The following EDA2R variants were observed in gnomAD, a reference collection of about 807,000 sequenced individuals.
EDA2R encodes the protein tumor necrosis factor receptor superfamily member 27.
In EDA2R, 26 loss-of-function variants were observed where a neutral mutation model predicts 20.1. That is an observed-to-expected ratio of 1.30 (90% CI 0.95 to 1.80). The LOEUF is 1.80. EDA2R is among the 40% of genes most tolerant of loss of function. The pLI is 0.00. For synonymous variants in EDA2R, 114 were observed against 88.7 expected (o/e 1.29, Z -1.60); for missense variants, 277 against 228.7 (o/e 1.21, Z -1.36).
At chrX:66,612,160 C>A (rs975795350) in intron 2 of EDA2R, among the ~76,000 whole-genome samples, 2 of 110,836 alleles carry the variant, frequency 1.8e-5, no homozygotes, top group Non-Finnish European at 3.8e-5. Flanking sequence ...GTAGGCCTAC[C>A]CTTAAATAAT....
chrX:66,615,980 C>A lies in EDA2R; in HGVS notation c.41G>T (p.Arg14Leu). ...QENEYWDQWG[R>L]CVTCQRCGPG... ...ACCACACCGTTGGCAGGTGACACACCGTCCCCATTGGTCCCAGTACTCATT... is the reference window on the plus strand; with the variant it reads ...ACCACACCGTTGGCAGGTGACACACAGTCCCCATTGGTCCCAGTACTCATT... The change falls in exon 2 of 7, where the codon CGG (arginine) becomes CTG (leucine). Residue 14 changes from arginine to leucine, a missense_variant. Arg to Leu is a moderately radical substitution (Grantham distance 102, BLOSUM62 -2). Transcript: ENST00000374719. 1 of 1,210,299 alleles carries A rather than the reference C, an allele frequency of 8.3e-7. No homozygotes were observed. The highest frequency in any genetic ancestry group is 1.1e-6 in the Non-Finnish European group (1 of 894,700).
At chrX:66,608,267 G>A (rs1274262379) in intron 2 of EDA2R, among the ~76,000 whole-genome samples, 1 of 110,715 alleles carries the variant, frequency 9.0e-6, no homozygotes, top group Non-Finnish European at 1.9e-5. Flanking sequence ...GATGGGGGAC[G>A]AGAATGAATA....
intron 1 of EDA2R, among the ~76,000 whole-genome samples, chrX:66,628,551 C>T (rs1349260339): frequency 9.0e-6 from 1 of 110,707 alleles, no homozygotes; most frequent in Non-Finnish European, 1.9e-5. Context: ...TTTCAGGCTA[C>T]TATGAACATC....
At chrX:66,626,992 C>T (rs1014396254) in intron 1 of EDA2R, among the ~76,000 whole-genome samples, 1 of 111,279 alleles carries the variant, frequency 9.0e-6, no homozygotes, top group Admixed American at 9.5e-5. Flanking sequence ...CAACTATCAG[C>T]CAGGAATTTT....
In EDA2R at chrX:66,597,875, G is replaced by T; in HGVS notation, c.*229C>A. The T allele has an allele frequency of 3.9e-6, 1 of 257,327 alleles. No individual in the cohort carries two copies. Among genetic ancestry groups the T allele is most frequent in the Non-Finnish European group, 6.2e-6 (1 of 162,046 alleles). 21.2% of individuals were successfully genotyped at this position (257,327 alleles called of 1,213,427 possible). On this transcript the variant is annotated 3_prime_UTR_variant, in exon 7 of 7. Coordinates refer to ENST00000374719, the MANE Select transcript of EDA2R (RefSeq NM_021783.5). ...CATGTCTGGTAGTCCCATGAATGTGGAATCTGGCTCCCCAGACTACAAAAG... is the reference window on the plus strand; with the variant it reads ...CATGTCTGGTAGTCCCATGAATGTGTAATCTGGCTCCCCAGACTACAAAAG...
At chrX:66,602,915 G>T in intron 4 of EDA2R, 118 bp from the exon 5 acceptor site, 1 of 661,232 alleles carries the variant, frequency 1.5e-6, no homozygotes, top group Non-Finnish European at 2.2e-6. Context: ...CCCAATTAGG[G>T]TGGCTATGCT....
At chrX:66,606,095 A>G (rs1198444538) in intron 2 of EDA2R, among the ~76,000 whole-genome samples, 1 of 111,715 alleles carries the variant, frequency 9.0e-6, no homozygotes, top group Non-Finnish European at 1.9e-5. Context: ...TGCTCTCTAG[A>G]GATTCTTAGA....
chrX:66,596,599 C>T lies in EDA2R; in HGVS notation c.*1505G>A, dbSNP rs184071358. 6.3e-5 allele frequency: 7 copies of T among 111,196 alleles called. No homozygotes were observed. Among genetic ancestry groups the T allele is most frequent in the Middle Eastern group, 4.6e-3 (1 of 217 alleles). The allele number at this position is 111,196 out of a possible 1,213,427, so 9.2% of individuals were successfully genotyped here. ...CAGCAGTGTCAAATGTGGGCTTGAACCACTGCCAGCCACATGGCAACCTTT... is the reference window on the plus strand; with the variant it reads ...CAGCAGTGTCAAATGTGGGCTTGAATCACTGCCAGCCACATGGCAACCTTT... On this transcript the variant is annotated 3_prime_UTR_variant, in exon 7 of 7. Coordinates refer to ENST00000374719, the MANE Select transcript of EDA2R (RefSeq NM_021783.5).
intron 1 of EDA2R, among the ~76,000 whole-genome samples, chrX:66,625,981 G>C (rs1933032949): frequency 9.0e-6 from 1 of 111,519 alleles, no homozygotes; most frequent in South Asian, 3.8e-4. Context: ...ACTACATCAA[G>C]GGAACACCCC....
intron 1 of EDA2R, among the ~76,000 whole-genome samples, chrX:66,632,431 AAGAAGC>A (rs1360207954): frequency 3.9e-5 from 4 of 102,469 alleles, no homozygotes; most frequent in Non-Finnish European, 7.8e-5. Flanking sequence ...GAAGAAGAAG[AAGAAGC>A]AGGAGGAGGA....
intron 6 of EDA2R, among the ~76,000 whole-genome samples, chrX:66,598,995 C>T (rs1345424732): frequency 8.9e-6 from 1 of 112,072 alleles, no homozygotes; most frequent in African/African-American, 3.2e-5. Context: ...GAGAAACTAA[C>T]TTTCCCTCTC....
At chrX:66,600,098 A>G (rs1352849215) in intron 5 of EDA2R, 1 of 1,149,334 alleles carries the variant, frequency 8.7e-7, no homozygotes, top group Admixed American at 2.7e-5. Flanking sequence ...CAATTTCTCT[A>G]GAGAAAAAGA....
chrX:66,613,872 C>T (rs1931218482), intron 2 of EDA2R, among the ~76,000 whole-genome samples: 1 of 111,515 alleles, frequency 9.0e-6, no homozygotes, highest in Non-Finnish European at 1.9e-5. Flanking sequence ...ATAAAAGTTA[C>T]TTTAAAAAAG....
At chrX:66,625,497 C>T (rs982394199) in intron 1 of EDA2R, among the ~76,000 whole-genome samples, 9 of 111,230 alleles carry the variant, frequency 8.1e-5, no homozygotes, top group African/African-American at 2.9e-4. Context: ...ACCCACACAG[C>T]AGCCACAGCA....
chrX:66,625,504 A>T (rs1932987224), intron 1 of EDA2R, among the ~76,000 whole-genome samples: 1 of 111,150 alleles, frequency 9.0e-6, no homozygotes, highest in Non-Finnish European at 1.9e-5. Context: ...CAGCAGCCAC[A>T]GCAAGACCTA....
At chrX:66,625,167 G>A (rs1932952923) in intron 1 of EDA2R, among the ~76,000 whole-genome samples, 1 of 111,598 alleles carries the variant, frequency 9.0e-6, no homozygotes, top group Non-Finnish European at 1.9e-5. Flanking sequence ...AAGCATCCTG[G>A]CCAGAACTTG....
At chrX:66,625,838 G>T in intron 1 of EDA2R, among the ~76,000 whole-genome samples, 1 of 112,133 alleles carries the variant, frequency 8.9e-6, no homozygotes, top group East Asian at 2.8e-4. Context: ...CACATCACAG[G>T]ACTCTGTGCA....
At chrX:66,612,015 G>A (rs770655535) in intron 2 of EDA2R, among the ~76,000 whole-genome samples, 23 of 111,743 alleles carry the variant, frequency 2.1e-4, no homozygotes, top group Non-Finnish European at 2.8e-4. Flanking sequence ...AAGCCAAGAA[G>A]GAAGTATTAC....
intron 2 of EDA2R, 22 bp downstream of exon 2, chrX:66,615,912 T>C (rs763235137): frequency 2.6e-6 from 3 of 1,171,453 alleles, no homozygotes; most frequent in Non-Finnish European, 3.5e-6. Flanking sequence ...CAGAAATAAG[T>C]GTACTGAATA....
Sources: gnomAD v4.1 joint callset for allele counts (sites outside exome capture counted in the v4.1 genomes callset) on GRCh38, gnomAD v4.1.1 for gene constraint, MANE v1.5 for transcripts, NCBI Gene and HGNC (gene_info 2026-07-23, HGNC 2026-07-21) for gene names.